PRKG1: variants seen among roughly 807,000 people sequenced by gnomAD.
PRKG1 encodes protein kinase cGMP-dependent 1.
A neutral mutation model predicts 88.1 loss-of-function variants in PRKG1; 35 were observed. The ratio of observed to expected loss-of-function variants is 0.40; its 90% confidence interval spans 0.30 to 0.53. The LOEUF is 0.53. Ranked by LOEUF, PRKG1 falls within the 20% of genes least tolerant of loss-of-function variation. The pLI, the probability that PRKG1 is intolerant of heterozygous loss-of-function variation, is 0.59. For missense variants in PRKG1, 540 were observed against 839.8 expected (o/e 0.64, Z 4.41); for synonymous variants, 303 against 292.5 (o/e 1.04, Z -0.37).
At chr10:51,524,407 C>G (rs886294685) in intron 3 of PRKG1, among the ~76,000 whole-genome samples, 1 of 152,120 alleles carries the variant, frequency 6.6e-6, no homozygotes, top group Non-Finnish European at 1.5e-5. Flanking sequence ...TCTGTTGGAA[C>G]TATTCAAAAC....
At chr10:52,096,088 G>A (rs559060829) in intron 7 of PRKG1, among the ~76,000 whole-genome samples, 2 of 152,188 alleles carry the variant, frequency 1.3e-5, no homozygotes, top group East Asian at 3.9e-4. Context: ...AGAGGCTGTA[G>A]GGTCTCTGTA....
chr10:51,181,045 T>A (rs1358703861), intron 2 of PRKG1, among the ~76,000 whole-genome samples: 1 of 152,030 alleles, frequency 6.6e-6, no homozygotes, highest in South Asian at 2.1e-4. Flanking sequence ...AATGATAGCA[T>A]GTATTACTGT....
intron 9 of PRKG1, among the ~76,000 whole-genome samples, chr10:52,211,353 G>A (rs891485792): frequency 1.4e-4 from 21 of 152,006 alleles, no homozygotes; most frequent in South Asian, 2.1e-4. Context: ...GAAATTTTTC[G>A]CAACTAATTA....
At chr10:51,645,296 T>C (rs75327398) in intron 3 of PRKG1, among the ~76,000 whole-genome samples, 5,106 of 152,232 alleles carry the variant, frequency 0.034, 208 homozygotes, top group African/African-American at 0.1. Context: ...TTCACAAGAG[T>C]GTTCATTGGC....
intron 2 of PRKG1, among the ~76,000 whole-genome samples, chr10:51,177,304 A>T (rs1837220637): frequency 6.6e-6 from 1 of 152,230 alleles, no homozygotes; most frequent in Admixed American, 6.5e-5. Flanking sequence ...AAAATGGATG[A>T]ATTTAAAGTG....
At chr10:51,834,023 A>G (rs1840067339) in intron 4 of PRKG1, among the ~76,000 whole-genome samples, 1 of 152,162 alleles carries the variant, frequency 6.6e-6, no homozygotes. Flanking sequence ...GTCATCACAA[A>G]TGACAGAATT....
Position 51,206,539 on chromosome 10 carries a change from TA to T in PRKG1, c.478+53211del, listed in dbSNP as rs570539960. ...GCCAAAAAAGTATTTTCAGTTTTCT[TA>T]AGCCAGAATGAAAACTTAAAACCAA... On this transcript the variant is annotated intron_variant, in intron 2 of 17. Coordinates refer to ENST00000373980, the MANE Select transcript of PRKG1 (RefSeq NM_006258.4). Among the ~76,000 whole-genome samples, 21 of 152,056 alleles carry T rather than the reference TA, an allele frequency of 1.4e-4. 2 individuals are homozygous for T. The East Asian group carries it at 4.1e-3, about 29-fold the overall frequency.
At chr10:51,052,543 CTTTGT>C (rs1843575943) in intron 1 of PRKG1, among the ~76,000 whole-genome samples, 1 of 152,130 alleles carries the variant, frequency 6.6e-6, no homozygotes, top group Non-Finnish European at 1.5e-5. Context: ...AAATATATCT[CTTTGT>C]TTTATTTTTA....
chr10:51,281,526 A>C lies in PRKG1; in HGVS notation c.478+128196A>C, dbSNP rs377120800. On this transcript the variant is annotated intron_variant, in intron 2 of 17. Coordinates refer to ENST00000373980, the MANE Select transcript of PRKG1 (RefSeq NM_006258.4). ...GGGGGAGGGGTGCCCGCCATTGCTC[A>C]GGCTTGAGTAGGTAAACAAAGCGGC... 4.6e-5 allele frequency among the ~76,000 whole-genome samples: 7 copies of C among 152,286 alleles called. No homozygotes were observed. In the East Asian group the frequency reaches 5.8e-4, roughly 13 times the overall value.
At chr10:51,362,009 G>A (rs1221137511) in intron 2 of PRKG1, among the ~76,000 whole-genome samples, 2 of 151,958 alleles carry the variant, frequency 1.3e-5, no homozygotes, top group South Asian at 4.1e-4. Context: ...TCTATAGCAA[G>A]AGTAAGTTAT....
chr10:51,880,018 C>T lies in PRKG1; in HGVS notation c.699-27489C>T, dbSNP rs139915099. On this transcript the variant is annotated intron_variant, in intron 4 of 17. Transcript: ENST00000373980. ...GTGAGATTTCTGCATTGCACAGTAC[C>T]AGCCTGCACATCCATTGGATATTTG... 6.2e-3 allele frequency among the ~76,000 whole-genome samples: 945 copies of T among 152,342 alleles called. 10 individuals are homozygous for T. Among genetic ancestry groups the T allele is most frequent in the African/African-American group, 0.019 (794 of 41,578 alleles).
At chr10:52,079,261 C>T (rs1846707754) in intron 7 of PRKG1, among the ~76,000 whole-genome samples, 2 of 152,092 alleles carry the variant, frequency 1.3e-5, no homozygotes, top group Non-Finnish European at 2.9e-5. Flanking sequence ...CTTTTCTTGA[C>T]CTGTAGTTCA....
chr10:51,323,781 C>T (rs1459207715), intron 2 of PRKG1, among the ~76,000 whole-genome samples: 1 of 152,072 alleles, frequency 6.6e-6, no homozygotes, highest in Non-Finnish European at 1.5e-5. Flanking sequence ...GAGACCTTGT[C>T]TTTACAAAGA....
rs77071208 is a variant in PRKG1, at chr10:52,031,061, TA to T, written c.763-23412del. On this transcript the variant is annotated intron_variant, in intron 5 of 17. Coordinates refer to ENST00000373980, the MANE Select transcript of PRKG1 (RefSeq NM_006258.4). The stretch of plus-strand genomic sequence containing the variant: ...AGATCCATTATTTATTCTCAAACTT[TA>T]AAAAAAAAAATGCTGCTCATTATCC... Among the ~76,000 whole-genome samples the T allele has an allele frequency of 7.4e-3, 1,089 of 147,490 alleles. 16 individuals carry two copies. Among genetic ancestry groups the T allele is most frequent in the African/African-American group, 0.025 (994 of 40,492 alleles).
chr10:51,011,959 G>A (rs1842998988), intron 1 of PRKG1, among the ~76,000 whole-genome samples: 1 of 152,194 alleles, frequency 6.6e-6, no homozygotes, highest in East Asian at 1.9e-4. Flanking sequence ...CATGGTGGCA[G>A]GCAAGAAGAG....
intron 2 of PRKG1, among the ~76,000 whole-genome samples, chr10:51,374,594 T>G (rs1265086772): frequency 6.6e-6 from 1 of 152,096 alleles, no homozygotes; most frequent in African/African-American, 2.4e-5. Context: ...CCCCTTCACC[T>G]TGTATCTTGT....
At chr10:52,074,049 G>T (rs1329604608) in intron 7 of PRKG1, among the ~76,000 whole-genome samples, 1 of 152,116 alleles carries the variant, frequency 6.6e-6, no homozygotes, top group Admixed American at 6.5e-5. Flanking sequence ...GCTGTTGTTT[G>T]AATTTACTTA....
chr10:51,926,835 G>T (rs7088553), intron 5 of PRKG1, among the ~76,000 whole-genome samples: 1 of 143,122 alleles, frequency 7.0e-6, no homozygotes, highest in African/African-American at 2.7e-5. Flanking sequence ...AAAACCTCAC[G>T]ATCAGCAATT....
intron 3 of PRKG1, among the ~76,000 whole-genome samples, chr10:51,480,429 T>C (rs4935017): frequency 0.12 from 18,204 of 152,156 alleles, 1,267 homozygotes; most frequent in Admixed American, 0.22. Flanking sequence ...TAATCATACT[T>C]GACTTATACG....
Sources: gnomAD v4.1 joint callset for allele counts (sites outside exome capture counted in the v4.1 genomes callset) on GRCh38, gnomAD v4.1.1 for gene constraint, MANE v1.5 for transcripts, NCBI Gene and HGNC (gene_info 2026-07-23, HGNC 2026-07-21) for gene names.